DPP6: variants seen among roughly 807,000 people sequenced by gnomAD.
DPP6 encodes the protein A-type potassium channel modulatory protein DPP6.
A neutral mutation model predicts 122.6 loss-of-function variants in DPP6; 69 were observed. That is an observed-to-expected ratio of 0.56 (90% confidence interval 0.46 to 0.69). The LOEUF (loss-of-function observed/expected upper bound fraction) is 0.69, where lower values mean the gene tolerates loss of function less well. DPP6 is among the 30% of genes least tolerant of loss of function. The pLI, the probability that DPP6 is intolerant of heterozygous loss-of-function variation, is 0.00. For missense variants in DPP6, 928 were observed against 1,116.9 expected, an observed-to-expected ratio of 0.83 and a Z score of 2.41; for synonymous variants, 418 against 433.1, an observed-to-expected ratio of 0.97 and a Z score of 0.43.
intron 5 of DPP6, among the ~76,000 whole-genome samples, chr7:154,578,926 T>C (rs1831862497): frequency 6.6e-6 from 1 of 152,238 alleles, no homozygotes; most frequent in Admixed American, 6.5e-5. Flanking sequence ...ATAGCCATTC[T>C]TTTAAGTAGA....
the DPP6 span, among the ~76,000 whole-genome samples, chr7:153,786,914 T>TA: frequency 1.0e-4 from 15 of 146,180 alleles, no homozygotes; most frequent in Non-Finnish European, 1.8e-4. Context: ...GCACTTTATG[T>TA]AAAAAAACAT....
chr7:154,678,917 A>G (rs1273204237), intron 7 of DPP6, among the ~76,000 whole-genome samples: 1 of 152,220 alleles, frequency 6.6e-6, no homozygotes, highest in African/African-American at 2.4e-5. Context: ...CTCGAAGTAC[A>G]GGCTGTGGAG....
At chr7:153,993,049 C>A (rs541355425) in intron 1 of DPP6, among the ~76,000 whole-genome samples, 113 of 152,290 alleles carry the variant, frequency 7.4e-4, no homozygotes, top group African/African-American at 2.7e-3. Context: ...TGCATCCAAA[C>A]ATTTTTCTTA....
the DPP6 span, among the ~76,000 whole-genome samples, chr7:153,755,746 C>A: frequency 6.6e-6 from 1 of 151,954 alleles, no homozygotes; most frequent in Admixed American, 6.6e-5. Flanking sequence ...AGCACTGATT[C>A]CCTTTCTGTG....
chr7:154,795,730 A>G (rs1563219238), intron 11 of DPP6, 115 bp from the exon 12 acceptor site: 10 of 1,447,242 alleles, frequency 6.9e-6, no homozygotes, highest in Non-Finnish European at 9.3e-6. Flanking sequence ...TGCAGCGGCC[A>G]TGTAGGTGAA....
intron 4 of DPP6, among the ~76,000 whole-genome samples, chr7:154,540,931 T>A (rs1828675263): frequency 6.6e-6 from 1 of 152,150 alleles, no homozygotes; most frequent in Non-Finnish European, 1.5e-5. Flanking sequence ...ACAATTGCAA[T>A]AATGCATGTA....
chr7:154,393,822 C>A (rs1814838925), intron 1 of DPP6, among the ~76,000 whole-genome samples: 1 of 152,110 alleles, frequency 6.6e-6, no homozygotes, highest in African/African-American at 2.4e-5. Context: ...CCCCCAATCG[C>A]TAGCAACCAC....
intron 1 of DPP6, among the ~76,000 whole-genome samples, chr7:154,250,833 T>A (rs1802307451): frequency 6.6e-6 from 1 of 152,180 alleles, no homozygotes; most frequent in South Asian, 2.1e-4. Flanking sequence ...AGGGTAATCG[T>A]TGCCTGGAGG....
intron 3 of DPP6, among the ~76,000 whole-genome samples, chr7:154,521,084 C>CA (rs894268661): frequency 3.9e-5 from 6 of 152,008 alleles, no homozygotes; most frequent in African/African-American, 1.4e-4. Flanking sequence ...AGAGATCCTT[C>CA]AAAAAATCTT....
chr7:153,754,560 T>C, the DPP6 span, among the ~76,000 whole-genome samples: 1 of 152,358 alleles, frequency 6.6e-6, no homozygotes, highest in East Asian at 1.9e-4. Context: ...GGTGCAAAGA[T>C]CACCTTGAAT....
At chr7:154,186,361 A>G (rs1330367061) in intron 1 of DPP6, among the ~76,000 whole-genome samples, 1 of 152,256 alleles carries the variant, frequency 6.6e-6, no homozygotes, top group Non-Finnish European at 1.5e-5. Flanking sequence ...GGTGATGAAC[A>G]AAAGACTAGT....
chr7:153,832,154 C>T, the DPP6 span, among the ~76,000 whole-genome samples: 1 of 152,178 alleles, frequency 6.6e-6, no homozygotes, highest in Non-Finnish European at 1.5e-5. Context: ...CAGCCTCCAG[C>T]CTGGCTCTTT....
chr7:154,145,679 C>T (rs1483036493), intron 1 of DPP6, among the ~76,000 whole-genome samples: 2 of 121,948 alleles, frequency 1.6e-5, no homozygotes, highest in African/African-American at 3.0e-5. Flanking sequence ...TCGCAGACAG[C>T]GGTTTGGCTA....
chr7:153,956,438 G>A (rs932553020), intron 1 of DPP6, among the ~76,000 whole-genome samples: 11 of 152,174 alleles, frequency 7.2e-5, no homozygotes, highest in Admixed American at 3.3e-4. Flanking sequence ...CATCATGATA[G>A]CATCTCGGCT....
chr7:154,530,246 T>C (rs1180645220), intron 3 of DPP6, among the ~76,000 whole-genome samples: 2 of 152,174 alleles, frequency 1.3e-5, no homozygotes, highest in Non-Finnish European at 1.5e-5. Context: ...AATTTATGTG[T>C]AATTAAAATT....
chr7:154,273,077 G>T (rs151052007), intron 1 of DPP6, among the ~76,000 whole-genome samples: 7 of 152,174 alleles, frequency 4.6e-5, no homozygotes, highest in African/African-American at 1.4e-4. Context: ...ATTTTCTAGT[G>T]TAGAAGAATT....
At chr7:154,856,918 G>A (rs1254236232) in intron 17 of DPP6, among the ~76,000 whole-genome samples, 4 of 152,242 alleles carry the variant, frequency 2.6e-5, no homozygotes, top group African/African-American at 9.6e-5. Flanking sequence ...AAATTTAACA[G>A]TGAACCTGAA....
At chr7:153,785,582 T>G in the DPP6 span, among the ~76,000 whole-genome samples, 1 of 152,200 alleles carries the variant, frequency 6.6e-6, no homozygotes, top group South Asian at 2.1e-4. Flanking sequence ...CCTCTTTAAT[T>G]TTATGATGGT....
chr7:153,774,494 A>T, the DPP6 span, among the ~76,000 whole-genome samples: 1 of 152,308 alleles, frequency 6.6e-6, no homozygotes, highest in East Asian at 1.9e-4. Flanking sequence ...CGGATTCCTT[A>T]TTCAAGGACA....
Sources: gnomAD v4.1 joint callset for allele counts (sites outside exome capture counted in the v4.1 genomes callset) on GRCh38, gnomAD v4.1.1 for gene constraint, MANE v1.5 for transcripts, NCBI Gene and HGNC (gene_info 2026-07-23, HGNC 2026-07-21) for gene names.